The following PREX1 variants were observed in gnomAD, a reference collection of about 807,000 sequenced individuals.
PREX1 encodes phosphatidylinositol 3,4,5-trisphosphate-dependent Rac exchanger 1 protein.
Under a neutral mutation model 198.3 loss-of-function variants are expected in PREX1, and 41 were observed. The ratio of observed to expected loss-of-function variants is 0.21; its 90% CI spans 0.16 to 0.27. PREX1 has a LOEUF of 0.27. PREX1 is among the 10% of genes least tolerant of loss of function. The probability of loss-of-function intolerance (pLI) is 1.00; values close to 1 mark genes in which losing one functional copy is unlikely to be tolerated. For missense variants in PREX1, 1,620 were observed against 2,200.7 expected (o/e 0.74, Z 5.28); for synonymous variants, 843 against 887.2 (o/e 0.95, Z 0.89).
At position 48,743,425 on chromosome 20, in the gene PREX1, A is replaced by T. The variant is rs1341575059; in HGVS notation, c.414+1600T>A. On this transcript the variant is annotated intron_variant, in intron 3 of 39. Transcript: ENST00000371941. ...ATCTCACTTGGTGGGGTAACCTCTT[A>T]GATGTCTCCCGGCTTCCAGTTCTCC... 1.2e-4 allele frequency among the ~76,000 whole-genome samples: 18 copies of T among 152,050 alleles called. 1 individual carries two copies. Among genetic ancestry groups the T allele is most frequent in the Admixed American group, 1.2e-3 (18 of 15,272 alleles).
At chr20:48,833,424 G>A in the PREX1 span, among the ~76,000 whole-genome samples, 1 of 148,440 alleles carries the variant, frequency 6.7e-6, no homozygotes, top group African/African-American at 2.5e-5. Context: ...GGACCTTATG[G>A]TCACCCTATC....
chr20:48,715,293 T>A (rs1393694378), intron 5 of PREX1, among the ~76,000 whole-genome samples: 1 of 152,176 alleles, frequency 6.6e-6, no homozygotes, highest in Non-Finnish European at 1.5e-5. Flanking sequence ...ACTGTTTGAA[T>A]GAATTAATCC....
At chr20:48,698,434 G>A (rs1468629100) in intron 7 of PREX1, among the ~76,000 whole-genome samples, 1 of 152,104 alleles carries the variant, frequency 6.6e-6, no homozygotes, top group Non-Finnish European at 1.5e-5. Context: ...CAGAGCGGCG[G>A]GGCAGGGCTC....
intron 4 of PREX1, among the ~76,000 whole-genome samples, chr20:48,727,796 ACTT>A (rs2090016555): frequency 6.6e-6 from 1 of 152,098 alleles, no homozygotes; most frequent in African/African-American, 2.4e-5. Context: ...AATTCCCAGG[ACTT>A]CTTCCTCCTA....
chr20:48,765,290 T>C (rs1218269245), intron 1 of PREX1, among the ~76,000 whole-genome samples: 1 of 152,192 alleles, frequency 6.6e-6, no homozygotes, highest in Non-Finnish European at 1.5e-5. Context: ...CAAAAGTATC[T>C]ACAAACAAAT....
intron 29 of PREX1, among the ~76,000 whole-genome samples, chr20:48,640,755 G>A (rs2089402881): frequency 7.1e-6 from 1 of 139,988 alleles, no homozygotes; most frequent in African/African-American, 2.6e-5. Flanking sequence ...TGAATGGACA[G>A]GTAGATGATG....
chr20:48,836,285 A>G, the PREX1 span, among the ~76,000 whole-genome samples: 2 of 152,188 alleles, frequency 1.3e-5, no homozygotes, highest in Non-Finnish European at 2.9e-5. Flanking sequence ...TCAGGATATA[A>G]GTGATAGTTA....
At chr20:48,644,347 A>G in intron 27 of PREX1, 62 bp downstream of exon 27, 1 of 1,392,120 alleles carries the variant, frequency 7.2e-7, no homozygotes, top group Non-Finnish European at 1.0e-6. Flanking sequence ...AAATAAACTA[A>G]AACTAAATCT....
chr20:48,717,558 C>T (rs2089967947), intron 5 of PREX1, among the ~76,000 whole-genome samples: 1 of 151,590 alleles, frequency 6.6e-6, no homozygotes, highest in Non-Finnish European at 1.5e-5. Context: ...TCCAAGAGAA[C>T]CCAGAAGTGA....
intron 1 of PREX1, among the ~76,000 whole-genome samples, chr20:48,763,646 T>C (rs1419870172): frequency 1.3e-5 from 2 of 152,082 alleles, no homozygotes. Flanking sequence ...TGGTGAAGGA[T>C]TGTATTTGTA....
At chr20:48,808,504 C>G (rs1362398049) in intron 1 of PREX1, among the ~76,000 whole-genome samples, 1 of 152,168 alleles carries the variant, frequency 6.6e-6, no homozygotes, top group Non-Finnish European at 1.5e-5. Flanking sequence ...CCTGCCCGGG[C>G]TGCTGTGGCA....
At chr20:48,705,612 C>T (rs2089899311) in intron 6 of PREX1, among the ~76,000 whole-genome samples, 1 of 152,170 alleles carries the variant, frequency 6.6e-6, no homozygotes, top group African/African-American at 2.4e-5. Context: ...GCATGCTGTC[C>T]TCAGAGACTG....
chr20:48,629,347 G>C, intron 37 of PREX1, 102 bp downstream of exon 37: 2 of 1,448,090 alleles, frequency 1.4e-6, no homozygotes, highest in Non-Finnish European at 1.9e-6. Context: ...GCAGAACCAG[G>C]ATTGGAACCC....
At chr20:48,706,253 A>G (rs1211783436) in intron 6 of PREX1, among the ~76,000 whole-genome samples, 1 of 152,194 alleles carries the variant, frequency 6.6e-6, no homozygotes, top group Non-Finnish European at 1.5e-5. Context: ...GAGCTTGCTC[A>G]ATACCCTCTC....
intron 25 of PREX1, among the ~76,000 whole-genome samples, chr20:48,648,412 G>A (rs144727901): frequency 4.6e-4 from 70 of 152,274 alleles, no homozygotes; most frequent in African/African-American, 1.5e-3. Flanking sequence ...CATCTCGTAG[G>A]TAGAGACCCC....
the PREX1 span, among the ~76,000 whole-genome samples, chr20:48,862,790 A>AAATATAT: frequency 7.0e-3 from 718 of 102,518 alleles, 8 homozygotes; most frequent in Middle Eastern, 0.014. Context: ...TAAAAAAAAA[A>AAATATAT]ATATATATAT....
At chr20:48,780,873 G>C (rs2090286358) in intron 1 of PREX1, among the ~76,000 whole-genome samples, 1 of 152,154 alleles carries the variant, frequency 6.6e-6, no homozygotes, top group Non-Finnish European at 1.5e-5. Flanking sequence ...CCTCACCATG[G>C]AGTATCCTGG....
chr20:48,836,213 T>C, the PREX1 span, among the ~76,000 whole-genome samples: 1 of 152,148 alleles, frequency 6.6e-6, no homozygotes, highest in Non-Finnish European at 1.5e-5. Flanking sequence ...GAGTGGGCAG[T>C]CACATCCACA....
At chr20:48,672,223 G>C (rs1441175234) in intron 14 of PREX1, among the ~76,000 whole-genome samples, 1 of 152,236 alleles carries the variant, frequency 6.6e-6, no homozygotes, top group Non-Finnish European at 1.5e-5. Context: ...TCCCAGCTCA[G>C]TCAATGGCAG....
Sources: allele counts gnomAD v4.1 joint callset (sites outside exome capture counted in the v4.1 genomes callset), GRCh38; gene constraint gnomAD v4.1.1; transcripts MANE v1.5; gene names NCBI Gene and HGNC (gene_info 2026-07-23, HGNC 2026-07-21).